EAF1: variants seen among roughly 807,000 people sequenced by gnomAD.
EAF1 encodes ELL associated factor 1.
EAF1 carries 19 observed loss-of-function variants against 26.6 expected under a neutral mutation model. That is an observed-to-expected ratio of 0.71 (90% CI 0.50 to 1.05). The LOEUF (loss-of-function observed/expected upper bound fraction) is 1.05. EAF1 is among the 50% of genes least tolerant of loss of function. The pLI, the probability that EAF1 is intolerant of heterozygous loss-of-function variation, is 0.00. For synonymous variants in EAF1, 102 were observed against 120.6 expected, an observed-to-expected ratio of 0.85 and a Z score of 1.01; for missense variants, 260 against 335.5, an observed-to-expected ratio of 0.78 and a Z score of 1.76.
intron 3 of EAF1, among the ~76,000 whole-genome samples, chr3:15,432,708 CAGTT>C (rs1397361048): frequency 1.3e-5 from 2 of 151,748 alleles, no homozygotes; most frequent in South Asian, 4.2e-4. Context: ...AAAATGAAGC[CAGTT>C]AGAGTTTATT....
In EAF1 at chr3:15,429,981, G is replaced by A. The variant is rs1420545877; in HGVS notation, c.172G>A (p.Val58Ile). Reference sequence around the variant, plus strand: ...GCTTCAAGTTGGCAAAGGAGATGAAGTCACAATTACACTGCCACATATCCC... The same window carrying A: ...GCTTCAAGTTGGCAAAGGAGATGAAATCACAATTACACTGCCACATATCCC... ...GELQVGKGDE[V>I]TITLPHIPGS... Residue 58 changes from valine to isoleucine, a missense_variant, in exon 2 of 6, where the codon GTC becomes ATC. Val to Ile is a conservative substitution (Grantham distance 29, BLOSUM62 3). Coordinates refer to ENST00000396842, the MANE Select transcript of EAF1 (RefSeq NM_033083.7). 1 of 1,611,414 alleles carries A rather than the reference G, an allele frequency of 6.2e-7. No homozygotes were observed. Among genetic ancestry groups the A allele is most frequent in the African/African-American group, 1.3e-5 (1 of 74,688 alleles).
Position 15,439,303 on chromosome 3 carries a change from T to G in EAF1, c.*148T>G, listed in dbSNP as rs1328712368. 2 of 642,728 alleles carry G rather than the reference T, an allele frequency of 3.1e-6. No individual in the cohort carries two copies. The highest frequency in any genetic ancestry group is 5.1e-6 in the Non-Finnish European group (2 of 389,446). 39.8% of individuals were successfully genotyped at this position (642,728 alleles called of 1,614,324 possible). A position where few individuals can be genotyped will look rare whatever the true frequency, so the allele number is the denominator to read the frequency against. On this transcript the variant is annotated 3_prime_UTR_variant, in exon 6 of 6. Coordinates refer to ENST00000396842, the MANE Select transcript of EAF1 (RefSeq NM_033083.7). ...GCTCTGGAACTCTCACATATTCAAG[T>G]CTTTAACTTAGTGGTGATGGGTGAT...
At chr3:15,430,142 T>G in intron 2 of EAF1, 135 bp downstream of exon 2, 1 of 647,706 alleles carries the variant, frequency 1.5e-6, no homozygotes, top group African/African-American at 1.9e-5. Context: ...AAAGTAATTT[T>G]GGGGAGTGGG....
chr3:15,439,097 T>G lies in EAF1; in HGVS notation c.761-12T>G. ...GATTCTATGATTTTACTTTATTTTT[T>G]TTTTTAAATAGGAAATGACTTGCAG... On this transcript the variant is annotated splice_polypyrimidine_tract_variant and intron_variant, in intron 5 of 5. Transcript: ENST00000396842. The G allele has an allele frequency of 6.2e-7, 1 of 1,604,524 alleles. No individual in the cohort carries two copies. The highest frequency in any genetic ancestry group is 8.5e-7 in the Non-Finnish European group (1 of 1,176,222).
chr3:15,432,141 G>A lies in EAF1; in HGVS notation c.253G>A (p.Asp85Asn). 1 of 1,614,166 alleles carries A rather than the reference G, an allele frequency of 6.2e-7. No individual in the cohort carries two copies. The highest frequency in any genetic ancestry group is 1.3e-5 in the African/African-American group (1 of 75,042). ...GGGGAACAAACGGCCTTACCAGAAA[G>A]ACTGTGTGCTTATTATTAATCATGA... ...FKGNKRPYQK[D>N]CVLIINHDTG... The change falls in exon 3 of 6, where the codon GAC becomes AAC. Residue 85 changes from aspartate to asparagine, a missense_variant. Transcript: ENST00000396842.
chr3:15,438,976 C>G (rs536540879), intron 5 of EAF1, 133 bp from the exon 6 acceptor site: 5 of 809,272 alleles, frequency 6.2e-6, no homozygotes, highest in Admixed American at 2.8e-5. Flanking sequence ...ATTTTCTTCC[C>G]TAAGTTGAAT....
At chr3:15,437,097 T>C (rs1376026466) in intron 5 of EAF1, among the ~76,000 whole-genome samples, 3 of 152,184 alleles carry the variant, frequency 2.0e-5, no homozygotes, top group African/African-American at 7.2e-5. Flanking sequence ...GGTTTTGCCA[T>C]GTTGGCCAGG....
intron 2 of EAF1, among the ~76,000 whole-genome samples, chr3:15,431,101 G>A (rs1283273575): frequency 6.6e-6 from 1 of 152,096 alleles, no homozygotes; most frequent in Non-Finnish European, 1.5e-5. Flanking sequence ...TATAAATAAG[G>A]AGTCAAAGAG....
intron 2 of EAF1, among the ~76,000 whole-genome samples, chr3:15,431,119 G>GT (rs1419342793): frequency 6.6e-6 from 1 of 152,144 alleles, no homozygotes; most frequent in Non-Finnish European, 1.5e-5. Context: ...GAGCCAAGCA[G>GT]TTTTTTATTC....
chr3:15,437,277 G>T, intron 5 of EAF1, among the ~76,000 whole-genome samples: 1 of 137,836 alleles, frequency 7.3e-6, no homozygotes, highest in Admixed American at 7.5e-5. Context: ...TTCAGACAGA[G>T]TCTTGATCTG....
intron 2 of EAF1, among the ~76,000 whole-genome samples, chr3:15,430,784 A>C (rs1234566953): frequency 6.6e-6 from 1 of 152,210 alleles, no homozygotes; most frequent in African/African-American, 2.4e-5. Flanking sequence ...AGCTCTGCCC[A>C]AGGCAGCACT....
At chr3:15,434,779 G>T (rs2061824899) in intron 4 of EAF1, among the ~76,000 whole-genome samples, 1 of 152,218 alleles carries the variant, frequency 6.6e-6, no homozygotes, top group Non-Finnish European at 1.5e-5. Flanking sequence ...TAGCCATTCT[G>T]CTTAGAGGCC....
Position 15,440,446 on chromosome 3 carries a change from G to A in EAF1, c.*1291G>A, listed in dbSNP as rs2061858739. Reference sequence around the variant, plus strand: ...CAGTATGGAGTAACCTGTTTTTGTAGTTTGGATGAATATGTCCTGAGAAAT... The same window carrying A: ...CAGTATGGAGTAACCTGTTTTTGTAATTTGGATGAATATGTCCTGAGAAAT... On this transcript the variant is annotated 3_prime_UTR_variant, in exon 6 of 6. Transcript: ENST00000396842. 1 of 152,144 alleles carries A rather than the reference G, an allele frequency of 6.6e-6. No homozygotes were observed. Among genetic ancestry groups the A allele is most frequent in the Admixed American group, 6.5e-5 (1 of 15,274 alleles). The allele number at this position is 152,144 out of a possible 1,614,324, so 9.4% of individuals were successfully genotyped here. A position where few individuals can be genotyped will look rare whatever the true frequency, so the allele number is the denominator to read the frequency against.
chr3:15,429,103 C>T (rs1559503831), intron 1 of EAF1, among the ~76,000 whole-genome samples: 1 of 152,160 alleles, frequency 6.6e-6, no homozygotes, highest in Non-Finnish European at 1.5e-5. Flanking sequence ...ATTAAGATGG[C>T]TATTATGTTG....
chr3:15,435,097 A>T (rs889000974), intron 4 of EAF1, among the ~76,000 whole-genome samples: 10 of 152,230 alleles, frequency 6.6e-5, no homozygotes, highest in African/African-American at 2.4e-4. Flanking sequence ...GGGGAAAAAA[A>T]GGATTAAAAT....
At chr3:15,430,761 A>C (rs1440110345) in intron 2 of EAF1, among the ~76,000 whole-genome samples, 1 of 152,218 alleles carries the variant, frequency 6.6e-6, no homozygotes, top group African/African-American at 2.4e-5. Flanking sequence ...CTTGCAGAGA[A>C]AGACTTTTGT....
chr3:15,436,206 G>A, intron 4 of EAF1, 136 bp from the exon 5 acceptor site: 1 of 565,300 alleles, frequency 1.8e-6, no homozygotes, highest in Non-Finnish European at 2.9e-6. Flanking sequence ...CATTTTTTAA[G>A]GTATTGAGAA....
intron 2 of EAF1, among the ~76,000 whole-genome samples, chr3:15,430,769 T>C (rs1305230998): frequency 2.0e-5 from 3 of 152,174 alleles, no homozygotes; most frequent in Non-Finnish European, 4.4e-5. Flanking sequence ...GAAAGACTTT[T>C]GTGAAGCTCT....
intron 4 of EAF1, among the ~76,000 whole-genome samples, chr3:15,434,918 A>G (rs1355573611): frequency 6.6e-6 from 1 of 152,188 alleles, no homozygotes; most frequent in Non-Finnish European, 1.5e-5. Flanking sequence ...TGAGCTCTAC[A>G]TTAGTATATA....
Sources: allele counts gnomAD v4.1 joint callset (sites outside exome capture counted in the v4.1 genomes callset), GRCh38; gene constraint gnomAD v4.1.1; transcripts MANE v1.5; gene names NCBI Gene and HGNC (gene_info 2026-07-23, HGNC 2026-07-21).